Variants in OSBPL5 observed in about 807,000 individuals in gnomAD.
OSBPL5 encodes oxysterol-binding protein-related protein 5.
OSBPL5 carries 71 observed loss-of-function variants against 111.2 expected under a neutral mutation model. That is an observed-to-expected ratio of 0.64 (90% CI 0.53 to 0.78). OSBPL5 has a LOEUF of 0.78. Ranked by LOEUF, OSBPL5 falls within the 30% of genes least tolerant of loss-of-function variation. OSBPL5 has a pLI of 0.00. For missense variants in OSBPL5, 1,210 were observed against 1,189.3 expected, an observed-to-expected ratio of 1.02 and a Z score of -0.26; for synonymous variants, 549 against 513.9, an observed-to-expected ratio of 1.07 and a Z score of -0.93.
rs1439898642 is a variant in OSBPL5 at position 3,154,259 on chromosome 11, C to T, written c.-22+10957G>A. ...CTGGGACCTGGAGAGCACGGCCCTG[C>T]GTGCAGCACCTGCCAGTAGGTAGCA... On this transcript the variant is annotated intron_variant, in intron 1 of 21. Coordinates refer to ENST00000263650, the MANE Select transcript of OSBPL5 (RefSeq NM_020896.4). The surrounding 1 kb of genome is among the most constrained non-coding windows in gnomAD (Gnocchi z 4.9). 1.3e-5 allele frequency among the ~76,000 whole-genome samples: 2 copies of T among 152,226 alleles called. No homozygotes were observed. The highest frequency in any genetic ancestry group is 4.8e-5 in the African/African-American group (2 of 41,450).
At position 3,104,300 on chromosome 11, in the gene OSBPL5, C is replaced by T. The variant is rs1304323265; in HGVS notation, c.1137G>A (p.Arg379=). The T allele has an allele frequency of 6.2e-7, 1 of 1,613,754 alleles. No homozygotes were observed. The highest frequency in any genetic ancestry group is 1.7e-4 in the Middle Eastern group (1 of 6,060). Reference sequence around the variant, plus strand: ...CCACGCGGGACAGGTCCATGCCTGGCCGTAGCTGCTTCAGCAGGGTCCACA... The same window carrying T: ...CCACGCGGGACAGGTCCATGCCTGGTCGTAGCTGCTTCAGCAGGGTCCACA... ...SLMWTLLKQL[R]PGMDLSRVVL... The change falls in exon 10 of 22, where the codon CGG becomes CGA. Residue 379 remains arginine (R), a synonymous_variant. Coordinates refer to ENST00000263650, the MANE Select transcript of OSBPL5 (RefSeq NM_020896.4). The surrounding 1 kb of genome is among the most constrained non-coding windows in gnomAD (Gnocchi z 5.0).
chr11:3,157,134 CG>C (rs1846792013), intron 1 of OSBPL5, among the ~76,000 whole-genome samples: 1 of 152,330 alleles, frequency 6.6e-6, no homozygotes, highest in East Asian at 1.9e-4. Context: ...ATCAGAGAGC[CG>C]CGTGCCTCCG....
chr11:3,100,585 C>G (rs543832785), intron 13 of OSBPL5, among the ~76,000 whole-genome samples: 1 of 152,158 alleles, frequency 6.6e-6, no homozygotes, highest in Non-Finnish European at 1.5e-5. Flanking sequence ...TTTAAACATC[C>G]CTGTGGAGGG....
At chr11:3,144,811 C>T (rs1846283343) in intron 1 of OSBPL5, among the ~76,000 whole-genome samples, 1 of 152,258 alleles carries the variant, frequency 6.6e-6, no homozygotes, top group South Asian at 2.1e-4. Flanking sequence ...GGCCTGGGGC[C>T]AGGGCAGCTC....
intron 7 of OSBPL5, among the ~76,000 whole-genome samples, chr11:3,112,417 T>C (rs1050756114): frequency 1.3e-5 from 2 of 151,936 alleles, no homozygotes; most frequent in African/African-American, 2.4e-5. Flanking sequence ...AACAGACAAG[T>C]TTGTCTCAGC....
At position 3,104,324 on chromosome 11, in the gene OSBPL5, CA is replaced by C; in HGVS notation, c.1112del (p.Met371SerfsTer5). ...ETVSEENKSL[M>X]WTLLKQLRPG... ...GCCGTAGCTGCTTCAGCAGGGTCCA[CA>C]TCAGACTCTTGTTCTCCTCTGACAC... On this transcript the variant is annotated frameshift_variant, in exon 10 of 22. Coordinates refer to ENST00000263650, the MANE Select transcript of OSBPL5 (RefSeq NM_020896.4). LOFTEE classifies it high-confidence loss of function. The surrounding 1 kb of genome is among the most constrained non-coding windows in gnomAD (Gnocchi z 5.0). The C allele has an allele frequency of 6.2e-7, 1 of 1,613,542 alleles. No homozygotes were observed. Among genetic ancestry groups the C allele is most frequent in the Non-Finnish European group, 8.5e-7 (1 of 1,179,974 alleles).
intron 7 of OSBPL5, among the ~76,000 whole-genome samples, chr11:3,115,965 T>C (rs1159545114): frequency 6.6e-6 from 1 of 151,820 alleles, no homozygotes; most frequent in Non-Finnish European, 1.5e-5. Flanking sequence ...TAATATCAAG[T>C]GTTTTAAACC....
chr11:3,122,477 G>A (rs1858456705), intron 3 of OSBPL5, 49 bp from the exon 4 acceptor site: 2 of 1,576,448 alleles, frequency 1.3e-6, no homozygotes, highest in Non-Finnish European at 1.7e-6. Flanking sequence ...GGCCGGCCCA[G>A]GGCTAGGAGC....
At position 3,106,868 on chromosome 11, in the gene OSBPL5, G is replaced by A. The variant is rs936199451; in HGVS notation, c.1059+395C>T. 2.6e-5 allele frequency among the ~76,000 whole-genome samples: 4 copies of A among 152,116 alleles called. No homozygotes were observed. Among genetic ancestry groups the A allele is most frequent in the African/African-American group, 4.8e-5 (2 of 41,420 alleles). ...GAGCACCAGGTGTGCAGGTGCCTGT[G>A]AGCATGGGACTCAGGTCCACACGCC... On this transcript the variant is annotated intron_variant, in intron 9 of 21. Coordinates refer to ENST00000263650, the MANE Select transcript of OSBPL5 (RefSeq NM_020896.4). The surrounding 1 kb of genome is among the most constrained non-coding windows in gnomAD (Gnocchi z 8.4).
At chr11:3,131,617 AT>A (rs1845786414) in intron 1 of OSBPL5, among the ~76,000 whole-genome samples, 1 of 30,104 alleles carries the variant, frequency 3.3e-5, no homozygotes, top group Non-Finnish European at 9.4e-5. Flanking sequence ...CCATTCATCC[AT>A]CTGTCTATTC....
chr11:3,101,443 C>T (rs1026341534), intron 13 of OSBPL5, among the ~76,000 whole-genome samples, 160 bp downstream of exon 13: 25 of 152,094 alleles, frequency 1.6e-4, no homozygotes, highest in African/African-American at 6.0e-4. Context: ...GCCTCATGGC[C>T]GGGTCTCAGC....
rs1370480457 is a variant in OSBPL5 at position 3,088,135 on chromosome 11, G to A, written c.*70C>T. 2.2e-6 allele frequency: 3 copies of A among 1,380,864 alleles called. No homozygotes were observed. In the South Asian group the frequency reaches 4.7e-5, roughly 22 times the overall value. 85.5% of individuals were successfully genotyped at this position (1,380,864 alleles called of 1,614,324 possible). On this transcript the variant is annotated 3_prime_UTR_variant, in exon 22 of 22. Transcript: ENST00000263650. ...TGCCGGGCCTCTCTGCCTCCATGGA[G>A]CAGGCTTAAAGTGCTGGGTGCCTGG...
intron 1 of OSBPL5, among the ~76,000 whole-genome samples, chr11:3,135,907 G>C (rs1456464045): frequency 1.3e-5 from 2 of 152,204 alleles, no homozygotes; most frequent in African/African-American, 2.4e-5. Flanking sequence ...GGAAGGGAGT[G>C]AGCTCTGACT....
At chr11:3,135,422 A>T (rs1845922777) in intron 1 of OSBPL5, among the ~76,000 whole-genome samples, 1 of 151,834 alleles carries the variant, frequency 6.6e-6, no homozygotes, top group Non-Finnish European at 1.5e-5. Flanking sequence ...AGTAAGGGGG[A>T]CAGAGAGCCA....
Position 3,104,470 on chromosome 11 carries a change from C to T in OSBPL5, c.1060-93G>A. On this transcript the variant is annotated intron_variant, in intron 9 of 21. Coordinates refer to ENST00000263650, the MANE Select transcript of OSBPL5 (RefSeq NM_020896.4). The surrounding 1 kb of genome is among the most constrained non-coding windows in gnomAD (Gnocchi z 5.0). ...GCAGCTCTGGCTGGAGGAGGCTGTACCTGCCACCCCTTAGGGTGTAAACCC... is the reference window on the plus strand; with the variant it reads ...GCAGCTCTGGCTGGAGGAGGCTGTATCTGCCACCCCTTAGGGTGTAAACCC... 4 of 1,390,606 alleles carry T rather than the reference C, an allele frequency of 2.9e-6. No individual in the cohort carries two copies. In the South Asian group the frequency reaches 3.9e-5, roughly 14 times the overall value. The allele number at this position is 1,390,606 out of a possible 1,614,324, so 86.1% of individuals were successfully genotyped here. A position where few individuals can be genotyped will look rare whatever the true frequency, so the allele number is the denominator to read the frequency against.
chr11:3,115,351 A>G (rs1858174377), intron 7 of OSBPL5, among the ~76,000 whole-genome samples: 1 of 152,172 alleles, frequency 6.6e-6, no homozygotes, highest in South Asian at 2.1e-4. Flanking sequence ...ATGTGCTTTT[A>G]AAGTCCTTGC....
Position 3,103,855 on chromosome 11 carries a change from TCTGCGCA to T in OSBPL5, c.1244+331_1244+337del, listed in dbSNP as rs1564830722. Among the ~76,000 whole-genome samples, 242 of 102,384 alleles carry T rather than the reference TCTGCGCA, an allele frequency of 2.4e-3. 5 individuals carry two copies. The highest frequency in any genetic ancestry group is 4.8e-3 in the South Asian group (15 of 3,104). The allele number at this position is 102,384 out of a possible 152,430, so 67.2% of individuals were successfully genotyped here. A position where few individuals can be genotyped will look rare whatever the true frequency, so the allele number is the denominator to read the frequency against. On this transcript the variant is annotated intron_variant, in intron 10 of 21. Transcript: ENST00000263650. Reference sequence around the variant, plus strand: ...TCCAGCCTCTGCAGCCCCTTTCCAGTCTGCGCAGCCCCCTTCCTGCCTCTGTAGCCCC... The same window carrying T: ...TCCAGCCTCTGCAGCCCCTTTCCAGTGCCCCCTTCCTGCCTCTGTAGCCCC...
intron 1 of OSBPL5, among the ~76,000 whole-genome samples, chr11:3,135,631 T>G (rs1845929471): frequency 1.3e-5 from 2 of 152,200 alleles, no homozygotes; most frequent in South Asian, 4.2e-4. Context: ...CATGTGGGGC[T>G]CTCGGGGACT....
At chr11:3,101,473 T>C in intron 13 of OSBPL5, 130 bp downstream of exon 13, 1 of 840,268 alleles carries the variant, frequency 1.2e-6, no homozygotes. Flanking sequence ...CCACATGGTC[T>C]CTGACTAGGA....
Sources: gnomAD v4.1 joint callset for allele counts (sites outside exome capture counted in the v4.1 genomes callset) on GRCh38, gnomAD v4.1.1 for gene constraint, Gnocchi (gnomAD v3.1) non-coding constraint, MANE v1.5 for transcripts, NCBI Gene and HGNC (gene_info 2026-07-23, HGNC 2026-07-21) for gene names.